The following KIF26A variants were observed in gnomAD, a reference collection of about 807,000 sequenced individuals.
The protein encoded by KIF26A is kinesin family member 26A.
In KIF26A, 74 loss-of-function variants were observed where a neutral mutation model predicts 126.0. The ratio of observed to expected loss-of-function variants is 0.59; its 90% CI spans 0.49 to 0.71. KIF26A has a LOEUF of 0.71. KIF26A is among the 30% of genes least tolerant of loss of function. The pLI is 0.00. For synonymous variants in KIF26A, 1,445 were observed against 1,232.7 expected (o/e 1.17, Z -3.61); for missense variants, 2,984 against 2,763.3 (o/e 1.08, Z -1.79).
intron 4 of KIF26A, among the ~76,000 whole-genome samples, chr14:104,162,711 C>T (rs1236397690): frequency 1.3e-5 from 2 of 152,114 alleles, no homozygotes; most frequent in African/African-American, 4.8e-5. Context: ...TCTGGGTGGG[C>T]GTGACCTCTC....
intron 4 of KIF26A, among the ~76,000 whole-genome samples, chr14:104,165,421 A>G (rs2037879726): frequency 7.6e-6 from 1 of 131,898 alleles, no homozygotes; most frequent in East Asian, 2.4e-4. Context: ...GTGTCTCTGT[A>G]TGCGTGTGTG....
At position 104,173,760 on chromosome 14, in the gene KIF26A, C is replaced by T. The variant is rs367829172; in HGVS notation, c.1922C>T (p.Ala641Val). Residue 641 changes from alanine to valine, a missense_variant, in exon 10 of 15, where the codon GCG becomes GTG. Ala to Val is a moderately conservative substitution (Grantham distance 64, BLOSUM62 0). Transcript: ENST00000423312. ...ATCGACCTGGGCAGCTGTGAGGCGG[C>T]GGCTGGCAGGGCCGGGGAGGCTGCT... ...HLIDLGSCEA[A>V]AGRAGEAAGG... is the part of the protein sequence containing the mutation. 26 of 1,609,762 alleles carry T rather than the reference C, an allele frequency of 1.6e-5. No homozygotes were observed. Among genetic ancestry groups the T allele is most frequent in the African/African-American group, 2.7e-5 (2 of 74,852 alleles).
chr14:104,172,996 C>G lies in KIF26A; in HGVS notation c.1440C>G (p.Ile480Met). The change falls in exon 8 of 15, where the codon ATC (isoleucine) becomes ATG (methionine). Residue 480 changes from isoleucine (I) to methionine (M), a missense_variant. Physicochemically the swap from Ile to Met is conservative, Grantham distance 10. Coordinates refer to ENST00000423312, the MANE Select transcript of KIF26A (RefSeq NM_015656.2). The part of the protein sequence containing the change: ...HMSLGKSYTM[I>M]GKDSSPQSLG... The stretch of plus-strand genomic sequence containing the variant: ...CCCCAGGCAAGTCGTACACCATGAT[C>G]GGGAAGGACAGCTCACCCCAGAGCC... The G allele has an allele frequency of 1.3e-6, 2 of 1,598,834 alleles. No homozygotes were observed. Among genetic ancestry groups the G allele is most frequent in the Non-Finnish European group, 1.7e-6 (2 of 1,171,704 alleles).
In KIF26A at chr14:104,139,313, C is replaced by T. The variant is rs759387036; in HGVS notation, c.288+25C>T. The T allele has an allele frequency of 1.0e-5, 15 of 1,437,074 alleles. No individual in the cohort carries two copies. In the Admixed American group the frequency reaches 1.7e-4, roughly 16 times the overall value. 89.0% of individuals were successfully genotyped at this position (1,437,074 alleles called of 1,614,324 possible). On this transcript the variant is annotated intron_variant, in intron 2 of 14. Transcript: ENST00000423312. ...GGTAAGTGACACTTCCTTAGGCCGA[C>T]CCCTCCGAGCAGGGCCACGCCGAAC...
At chr14:104,179,542 G>GA in intron 14 of KIF26A, 67 bp from the exon 15 acceptor site, 1 of 1,445,716 alleles carries the variant, frequency 6.9e-7, no homozygotes, top group South Asian at 1.4e-5. Context: ...GGCCTCTGGG[G>GA]GGCCAGGTGG....
chr14:104,172,535 G>A, intron 6 of KIF26A, 40 bp from the exon 7 acceptor site: 2 of 1,512,596 alleles, frequency 1.3e-6, no homozygotes, highest in Non-Finnish European at 1.8e-6. Flanking sequence ...GTGGCAGAAG[G>A]AAGGGGCCAC....
Position 104,178,723 on chromosome 14 carries a change from C to A in KIF26A, c.5284C>A (p.Pro1762Thr). ...CGATGACGTGGAGCGCCTTCAGCGGCCCCGCCCCACCCCGAGGGAGGCCCC... is the reference window on the plus strand; with the variant it reads ...CGATGACGTGGAGCGCCTTCAGCGGACCCGCCCCACCCCGAGGGAGGCCCC... Reference protein sequence around the residue: ...EIDDVERLQRPRPTPREAPTQ... With the variant: ...EIDDVERLQRTRPTPREAPTQ... The change falls in exon 13 of 15, where the codon CCC becomes ACC. Residue 1762 changes from proline to threonine, a missense_variant. By Grantham distance (38) the Pro-to-Thr change is conservative (BLOSUM62 -1). Coordinates refer to ENST00000423312, the MANE Select transcript of KIF26A (RefSeq NM_015656.2). 6.5e-7 allele frequency: 1 copy of A among 1,549,168 alleles called. No homozygotes were observed. The highest frequency in any genetic ancestry group is 8.7e-7 in the Non-Finnish European group (1 of 1,144,838).
chr14:104,178,741 G>A lies in KIF26A; in HGVS notation c.5302G>A (p.Glu1768Lys). 1.3e-6 allele frequency: 2 copies of A among 1,534,660 alleles called. No individual in the cohort carries two copies. The highest frequency in any genetic ancestry group is 1.8e-6 in the Non-Finnish European group (2 of 1,134,416). Residue 1768 changes from glutamate to lysine, a missense_variant, in exon 13 of 15, where the codon GAG becomes AAG. By Grantham distance (56) the Glu-to-Lys change is moderately conservative. Transcript: ENST00000423312. The stretch of plus-strand genomic sequence containing the variant: ...TCAGCGGCCCCGCCCCACCCCGAGG[G>A]AGGCCCCCACCCAGGTAGGGCCTTT... ...RLQRPRPTPR[E>K]APTQGLACVS...
chr14:104,139,348 A>T (rs539656635), intron 2 of KIF26A, 60 bp downstream of exon 2: 107 of 1,376,548 alleles, frequency 7.8e-5, no homozygotes, highest in Non-Finnish European at 9.2e-5. Context: ...CTTGGGTAGA[A>T]CTTGGGGCTT....
Position 104,177,848 on chromosome 14 carries a change from C to A in KIF26A, c.5060C>A (p.Ser1687Tyr). Residue 1687 changes from serine (S) to tyrosine (Y), a missense_variant, in exon 12 of 15, where the codon TCC becomes TAC. By Grantham distance (144) the Ser-to-Tyr change is moderately radical. Transcript: ENST00000423312. ...TCCATGAGCGAGAGTGGGGCTGCCT[C>A]CCCAGGCGCCCGCACCCGCAGCCTC... is the stretch of plus-strand genomic sequence containing the variant. ...PDSMSESGAA[S>Y]PGARTRSLKS... 1 of 1,561,516 alleles carries A rather than the reference C, an allele frequency of 6.4e-7. No homozygotes were observed. The highest frequency in any genetic ancestry group is 1.4e-5 in the African/African-American group (1 of 73,738).
chr14:104,146,833 C>T (rs1375065341), intron 2 of KIF26A, among the ~76,000 whole-genome samples: 4 of 152,112 alleles, frequency 2.6e-5, no homozygotes, highest in East Asian at 1.9e-4. Context: ...GAGACCGCCA[C>T]GGGGCAGGCC....
rs372321505 is a variant in KIF26A at position 104,172,959 on chromosome 14, C to T, written c.1421-18C>T. 4.8e-4 allele frequency: 761 copies of T among 1,571,696 alleles called. No individual in the cohort carries two copies. The highest frequency in any genetic ancestry group is 3.0e-3 in the Admixed American group (173 of 57,842). Reference sequence around the variant, plus strand: ...TTGCGTGGTGTGTGGTGGGGCCTGACGCCTGCGTGGCCCCCAGGCAAGTCG... The same window carrying T: ...TTGCGTGGTGTGTGGTGGGGCCTGATGCCTGCGTGGCCCCCAGGCAAGTCG... On this transcript the variant is annotated intron_variant, in intron 7 of 14. Transcript: ENST00000423312.
intron 4 of KIF26A, among the ~76,000 whole-genome samples, chr14:104,160,772 T>A (rs916348445): frequency 3.3e-5 from 5 of 152,192 alleles, no homozygotes; most frequent in African/African-American, 1.2e-4. Flanking sequence ...ACTTCCGTCA[T>A]CATACTCTCA....
At chr14:104,174,573 C>T (rs2037996052) in intron 11 of KIF26A, among the ~76,000 whole-genome samples, 1 of 152,132 alleles carries the variant, frequency 6.6e-6, no homozygotes, top group East Asian at 1.9e-4. Context: ...AGCCTGCTGC[C>T]CCCGCACAGG....
At position 104,157,871 on chromosome 14, in the gene KIF26A, C is replaced by T. The variant is rs1466888638; in HGVS notation, c.852C>T (p.Ala284=). 5 of 1,598,552 alleles carry T rather than the reference C, an allele frequency of 3.1e-6. No homozygotes were observed. The highest frequency in any genetic ancestry group is 4.3e-6 in the Non-Finnish European group (5 of 1,171,138). Reference sequence around the variant, plus strand: ...GCCGTGGTGGAGTCTGCACGTCAGCCCTGGTCACCCCCACCCCGGGCTCGG... The same window carrying T: ...GCCGTGGTGGAGTCTGCACGTCAGCTCTGGTCACCCCCACCCCGGGCTCGG... ...AWGRGGVCTS[A]LVTPTPGSVG... Residue 284 remains alanine (A), a synonymous_variant, in exon 4 of 15, where the codon GCC becomes GCT. Coordinates refer to ENST00000423312, the MANE Select transcript of KIF26A (RefSeq NM_015656.2).
chr14:104,145,974 A>G (rs2037677103), intron 2 of KIF26A, among the ~76,000 whole-genome samples: 1 of 152,116 alleles, frequency 6.6e-6, no homozygotes, highest in Non-Finnish European at 1.5e-5. Flanking sequence ...TGAGGGTGGG[A>G]CTGGGGCCAC....
intron 4 of KIF26A, among the ~76,000 whole-genome samples, chr14:104,166,145 G>A (rs138156314): frequency 9.2e-5 from 14 of 151,892 alleles, no homozygotes; most frequent in African/African-American, 1.5e-4. Flanking sequence ...TGGCAGCGGG[G>A]GCACTTCCCA....
At chr14:104,169,211 G>T (rs745465023) in intron 5 of KIF26A, among the ~76,000 whole-genome samples, 1 of 152,238 alleles carries the variant, frequency 6.6e-6, no homozygotes, top group Non-Finnish European at 1.5e-5. Context: ...GTCAGGTGTG[G>T]GCGGTGGTGG....
chr14:104,154,565 G>T (rs1291321338), intron 3 of KIF26A, among the ~76,000 whole-genome samples: 1 of 152,240 alleles, frequency 6.6e-6, no homozygotes, highest in South Asian at 2.1e-4. Context: ...GAGGGCAGAA[G>T]CTGCCCACGG....
Sources: gnomAD v4.1 joint callset for allele counts (sites outside exome capture counted in the v4.1 genomes callset) on GRCh38, gnomAD v4.1.1 for gene constraint, MANE v1.5 for transcripts, NCBI Gene and HGNC (gene_info 2026-07-23, HGNC 2026-07-21) for gene names.